Variants in DYSF observed in about 807,000 individuals in gnomAD.
DYSF encodes dystrophy-associated fer-1-like 1.
In DYSF, 212 loss-of-function variants were observed where a neutral mutation model predicts 274.9. That is an observed-to-expected ratio of 0.77 (90% CI 0.69 to 0.86). The LOEUF (loss-of-function observed/expected upper bound fraction) is 0.86, where lower values mean the gene tolerates loss of function less well. DYSF is among the 40% of genes least tolerant of loss of function. The pLI is 0.00. For missense variants in DYSF, 2,666 were observed against 2,783.2 expected (o/e 0.96, Z 0.95); for synonymous variants, 1,091 against 1,078.7 (o/e 1.01, Z -0.22).
chr2:71,598,166 G>A (rs557324608), intron 32 of DYSF, among the ~76,000 whole-genome samples: 26 of 151,262 alleles, frequency 1.7e-4, no homozygotes, highest in Non-Finnish European at 2.5e-4. Flanking sequence ...TCAGCCCCTA[G>A]CACCTAGCAC....
chr2:71,598,778 A>G (rs762886635), intron 33 of DYSF, 33 bp downstream of exon 33: 4 of 1,604,458 alleles, frequency 2.5e-6, no homozygotes, highest in South Asian at 1.1e-5. Context: ...TCGTCCCCTC[A>G]CAGGGAGGGA....
intron 10 of DYSF, among the ~76,000 whole-genome samples, chr2:71,519,811 GTTTTTTTTTTT>G (rs70959241): frequency 1.1e-4 from 11 of 102,278 alleles, no homozygotes; most frequent in African/African-American, 3.1e-4. Context: ...CACCCGGCTA[GTTTTTTTTTTT>G]TTTTTTTTTT....
Position 71,495,087 on chromosome 2 carries a change from G to T in DYSF, c.240-8127G>T, listed in dbSNP as rs115278426. On this transcript the variant is annotated intron_variant, in intron 3 of 55. Transcript: ENST00000410020. ...TTCTATCTAGGTTCCAGGCACATGT[G>T]GGGGGTGATAGGTGTATTAACTGAA... 9.0e-3 allele frequency among the ~76,000 whole-genome samples: 1,367 copies of T among 152,244 alleles called. 24 individuals carry two copies. The highest frequency in any genetic ancestry group is 0.031 in the African/African-American group (1,302 of 41,520).
At chr2:71,664,185 G>T in intron 45 of DYSF, 83 bp from the exon 46 acceptor site, 1 of 1,572,692 alleles carries the variant, frequency 6.4e-7, no homozygotes, top group South Asian at 1.1e-5. Context: ...GACTCCCTGG[G>T]GTAGTTTCGA....
intron 3 of DYSF, among the ~76,000 whole-genome samples, chr2:71,498,158 G>C (rs1266991711): frequency 2.0e-5 from 3 of 151,960 alleles, no homozygotes; most frequent in Non-Finnish European, 4.4e-5. Flanking sequence ...CAAGTCCCCG[G>C]AAAGGCCTGG....
chr2:71,679,827 G>A (rs1450339065), intron 53 of DYSF, among the ~76,000 whole-genome samples: 1 of 152,074 alleles, frequency 6.6e-6, no homozygotes, highest in Non-Finnish European at 1.5e-5. Context: ...TACCCCAAAG[G>A]AAAAATGAGA....
chr2:71,605,432 G>A (rs1188116740), intron 36 of DYSF, among the ~76,000 whole-genome samples: 1 of 152,224 alleles, frequency 6.6e-6, no homozygotes. Flanking sequence ...AGCAGCTGAG[G>A]TGATCGTGGG....
chr2:71,501,320 G>A (rs6546701), intron 3 of DYSF, among the ~76,000 whole-genome samples: 5,874 of 152,194 alleles, frequency 0.039, 126 homozygotes, highest in Middle Eastern at 0.075. Flanking sequence ...CGAGCAAGGC[G>A]GCAGAGTCTG....
chr2:71,470,915 C>T (rs2081990084), intron 1 of DYSF, among the ~76,000 whole-genome samples: 1 of 151,610 alleles, frequency 6.6e-6, no homozygotes, highest in African/African-American at 2.4e-5. Context: ...CCTCAGCCTC[C>T]CGAGTAGCTG....
intron 40 of DYSF, among the ~76,000 whole-genome samples, chr2:71,614,651 G>A (rs1481031728): frequency 1.3e-5 from 2 of 152,080 alleles, no homozygotes; most frequent in Non-Finnish European, 2.9e-5. Context: ...TATTCCCCAG[G>A]CTAAGCTCAG....
intron 3 of DYSF, among the ~76,000 whole-genome samples, chr2:71,492,358 C>T (rs1463925259): frequency 6.6e-6 from 1 of 152,192 alleles, no homozygotes; most frequent in Non-Finnish European, 1.5e-5. Context: ...GGTGTTTCCT[C>T]CCCTGTATGG....
At chr2:71,555,644 G>C (rs1309510101) in intron 21 of DYSF, among the ~76,000 whole-genome samples, 4 of 152,178 alleles carry the variant, frequency 2.6e-5, no homozygotes, top group African/African-American at 9.7e-5. Flanking sequence ...CCTGTGGGAA[G>C]CCAGGCCTGG....
Position 71,596,351 on chromosome 2 carries a change from G to T in DYSF, c.3575-2213G>T, listed in dbSNP as rs777142571. Among the ~76,000 whole-genome samples the T allele has an allele frequency of 1.1e-4, 16 of 152,270 alleles. No homozygotes were observed. The East Asian group carries it at 2.9e-3, about 28-fold the overall frequency. ...GCAATTGTGATCTTTGTGTAAACGC[G>T]GTCGGTCTGGGGCCCGCATGCTTAT... is the stretch of plus-strand genomic sequence containing the variant. On this transcript the variant is annotated intron_variant, in intron 32 of 55. Transcript: ENST00000410020.
intron 41 of DYSF, among the ~76,000 whole-genome samples, 179 bp downstream of exon 41, chr2:71,620,788 G>A (rs944410328): frequency 1.3e-5 from 2 of 152,084 alleles, no homozygotes; most frequent in African/African-American, 4.8e-5. Context: ...AGAAAGCTAT[G>A]GAGTAGATGC....
In DYSF at chr2:71,669,245, G is replaced by A. The variant is rs370488656; in HGVS notation, c.5642+38G>A. On this transcript the variant is annotated intron_variant, in intron 50 of 55. Coordinates refer to ENST00000410020, the MANE Select transcript of DYSF (RefSeq NM_001130987.2). ...CGTCCTCTTGCCTGTCCAGCTTCCC[G>A]CAGCTCCCGTGCTCCCTCTGGGTTG... 14 of 1,520,472 alleles carry A rather than the reference G, an allele frequency of 9.2e-6. No individual in the cohort carries two copies. In the South Asian group the frequency reaches 9.4e-5, roughly 10 times the overall value. The allele number at this position is 1,520,472 out of a possible 1,614,324, so 94.2% of individuals were successfully genotyped here.
chr2:71,508,946 G>T (rs1476348215), intron 4 of DYSF, among the ~76,000 whole-genome samples: 1 of 151,754 alleles, frequency 6.6e-6, no homozygotes, highest in South Asian at 2.1e-4. Flanking sequence ...TCCGCCTCCC[G>T]GGTTCAACCA....
intron 41 of DYSF, among the ~76,000 whole-genome samples, chr2:71,642,288 G>C (rs1031954890): frequency 6.6e-6 from 1 of 152,190 alleles, no homozygotes; most frequent in Non-Finnish European, 1.5e-5. Context: ...ATGTTTGCCT[G>C]TGTGCCAGTA....
intron 1 of DYSF, 32 bp downstream of exon 1, chr2:71,466,965 C>T (rs1573283074): frequency 6.5e-6 from 10 of 1,544,814 alleles, no homozygotes; most frequent in Non-Finnish European, 8.8e-6. Context: ...CGCCCATGCT[C>T]GGGTGCTACC....
intron 3 of DYSF, among the ~76,000 whole-genome samples, chr2:71,484,148 G>A (rs558355174): frequency 6.9e-6 from 1 of 145,782 alleles, no homozygotes; most frequent in Non-Finnish European, 1.5e-5. Flanking sequence ...CACCTCCCAG[G>A]TTCAAGCGAT....
Sources: gnomAD v4.1 joint callset for allele counts (sites outside exome capture counted in the v4.1 genomes callset) on GRCh38, gnomAD v4.1.1 for gene constraint, MANE v1.5 for transcripts, NCBI Gene and HGNC (gene_info 2026-07-23, HGNC 2026-07-21) for gene names.